The following HOOK3 variants were observed in gnomAD, a reference collection of about 807,000 sequenced individuals.
HOOK3 encodes protein Hook homolog 3.
HOOK3 carries 24 observed loss-of-function variants against 116.3 expected under a neutral mutation model. That is an observed-to-expected ratio of 0.21 (90% confidence interval 0.15 to 0.29). HOOK3 has a LOEUF of 0.29. Among genes scored for constraint, HOOK3 ranks in the 10% least tolerant of loss-of-function variants. The pLI, the probability that HOOK3 is intolerant of heterozygous loss-of-function variation, is 1.00. For missense variants in HOOK3, 632 were observed against 830.2 expected (o/e 0.76, Z 2.93); for synonymous variants, 275 against 283.0 (o/e 0.97, Z 0.28).
At chr8:42,987,979 C>G (rs1809079722) in intron 15 of HOOK3, among the ~76,000 whole-genome samples, 1 of 152,086 alleles carries the variant, frequency 6.6e-6, no homozygotes, top group African/African-American at 2.4e-5. Context: ...TTTGGCTTCT[C>G]CCAGTTGGAG....
chr8:42,897,093 T>A lies in HOOK3; in HGVS notation c.-39T>A. ...CCCCCGACAGAGCGGCGGCGGTGTC[T>A]GGCCAGGCGGTAGGCGCTGCCTGGC... is the stretch of plus-strand genomic sequence containing the variant. On this transcript the variant is annotated 5_prime_UTR_variant, in exon 1 of 22. Transcript: ENST00000307602. 1 of 1,235,856 alleles carries A rather than the reference T, an allele frequency of 8.1e-7. No homozygotes were observed. The allele number at this position is 1,235,856 out of a possible 1,614,324, so 76.6% of individuals were successfully genotyped here.
chr8:43,013,745 G>A (rs773604724), intron 21 of HOOK3, among the ~76,000 whole-genome samples: 1 of 152,178 alleles, frequency 6.6e-6, no homozygotes, highest in Non-Finnish European at 1.5e-5. Context: ...CAGTGTCTTT[G>A]CAGGATGGTA....
At chr8:42,927,343 G>A (rs1586594823) in intron 3 of HOOK3, among the ~76,000 whole-genome samples, 4 of 136,174 alleles carry the variant, frequency 2.9e-5, no homozygotes, top group East Asian at 5.0e-4. Context: ...TGCAACCTCC[G>A]CCTCCCGAGT....
At chr8:42,966,354 C>T (rs1310052544) in intron 9 of HOOK3, 119 bp from the exon 10 acceptor site, 2 of 1,007,624 alleles carry the variant, frequency 2.0e-6, no homozygotes, top group Non-Finnish European at 2.9e-6. Context: ...TGGCCACTAA[C>T]ATGGGAGACA....
intron 8 of HOOK3, among the ~76,000 whole-genome samples, chr8:42,961,617 T>C (rs1808535699): frequency 6.6e-6 from 1 of 152,186 alleles, no homozygotes; most frequent in South Asian, 2.1e-4. Context: ...CTAAGGTTGA[T>C]AAGTCAAGAA....
chr8:42,915,091 C>G (rs1408577852), intron 2 of HOOK3, among the ~76,000 whole-genome samples: 1 of 152,178 alleles, frequency 6.6e-6, no homozygotes, highest in Non-Finnish European at 1.5e-5. Flanking sequence ...GGAGTTTTGC[C>G]TCCTGGTGGC....
intron 9 of HOOK3, among the ~76,000 whole-genome samples, chr8:42,964,821 T>C (rs1022688639): frequency 8.0e-5 from 12 of 150,600 alleles, no homozygotes; most frequent in Admixed American, 4.6e-4. Flanking sequence ...AACGCGACTT[T>C]GTCTCAAAAA....
intron 16 of HOOK3, chr8:42,998,293 T>C (rs1809318765): frequency 6.6e-6 from 1 of 152,490 alleles, no homozygotes; most frequent in African/African-American, 2.4e-5. Context: ...GCAAATCCTT[T>C]ATGTTTAATG....
intron 4 of HOOK3, among the ~76,000 whole-genome samples, chr8:42,940,519 C>CAGGGAG (rs1204722649): frequency 3.5e-5 from 5 of 144,056 alleles, no homozygotes; most frequent in Admixed American, 3.3e-4. Flanking sequence ...GGGACAGGGA[C>CAGGGAG]AGGGAGAGGG....
chr8:42,973,261 T>C, intron 11 of HOOK3, 28 bp from the exon 12 acceptor site: 1 of 1,583,744 alleles, frequency 6.3e-7, no homozygotes, highest in South Asian at 1.2e-5. Flanking sequence ...TCAGATTATG[T>C]ATAAGTAATG....
At position 43,029,379 on chromosome 8, in the gene HOOK3, A is replaced by T. The variant is rs1368859964; in HGVS notation, c.*10881A>T. 5.9e-6 allele frequency: 1 copy of T among 169,010 alleles called. No homozygotes were observed. Among genetic ancestry groups the T allele is most frequent in the Non-Finnish European group, 1.3e-5 (1 of 77,682 alleles). The allele number at this position is 169,010 out of a possible 1,614,324, so 10.5% of individuals were successfully genotyped here. The stretch of plus-strand genomic sequence containing the variant: ...TGGCCAGGATGATCTCGATCTCTTG[A>T]TCTCGTGATCTGCCCGCATTGGCCT... On this transcript the variant is annotated 3_prime_UTR_variant, in exon 22 of 22. Transcript: ENST00000307602.
intron 6 of HOOK3, among the ~76,000 whole-genome samples, chr8:42,955,721 G>A (rs1296328915): frequency 6.7e-6 from 1 of 149,256 alleles, no homozygotes; most frequent in Non-Finnish European, 1.5e-5. Flanking sequence ...GAGGGGTGGG[G>A]CCTAGAAGTC....
chr8:42,994,621 T>A (rs543317358), intron 15 of HOOK3: 24 of 163,892 alleles, frequency 1.5e-4, no homozygotes, highest in African/African-American at 5.0e-4. Context: ...TTTGTAAAAT[T>A]TCTTTTGTTA....
intron 4 of HOOK3, among the ~76,000 whole-genome samples, chr8:42,931,571 A>G (rs974734028): frequency 2.0e-5 from 3 of 150,472 alleles, no homozygotes; most frequent in Non-Finnish European, 4.4e-5. Context: ...AGCTGGGACT[A>G]CAGGTGCCTG....
In HOOK3 at chr8:43,027,412, A is replaced by ATTTGT. The variant is rs33977603; in HGVS notation, c.*8916_*8920dup. Reference sequence around the variant, plus strand: ...GATTTGCTTATGAGAACATTCTGTCATTTGTTCTGTTTGTAGATGAGAGAC... The same window carrying ATTTGT: ...GATTTGCTTATGAGAACATTCTGTCATTTGTTTTGTTCTGTTTGTAGATGAGAGAC... On this transcript the variant is annotated 3_prime_UTR_variant, in exon 22 of 22. Transcript: ENST00000307602. The ATTTGT allele has an allele frequency of 1, 467,532 of 469,700 alleles. 232,725 individuals are homozygous for ATTTGT. Among genetic ancestry groups the ATTTGT allele is most frequent in the East Asian group, 1 (20,412 of 20,412 alleles). 29.1% of individuals were successfully genotyped at this position (469,700 alleles called of 1,614,324 possible).
At chr8:42,936,571 C>T (rs1159015893) in intron 4 of HOOK3, among the ~76,000 whole-genome samples, 2 of 152,088 alleles carry the variant, frequency 1.3e-5, no homozygotes, top group Non-Finnish European at 2.9e-5. Flanking sequence ...TCCATCAATA[C>T]CTAGTTTATT....
At position 43,026,935 on chromosome 8, in the gene HOOK3, A is replaced by C; in HGVS notation, c.*8437A>C. 5.4e-6 allele frequency: 1 copy of C among 184,298 alleles called. No individual in the cohort carries two copies. Among genetic ancestry groups the C allele is most frequent in the African/African-American group, 2.3e-5 (1 of 42,638 alleles). The allele number at this position is 184,298 out of a possible 1,614,324, so 11.4% of individuals were successfully genotyped here. ...CACTCTGAGTCTCACTCTGTTGCCCAGGCTGGAGTGCAGTGGCACAATCTC... is the reference window on the plus strand; with the variant it reads ...CACTCTGAGTCTCACTCTGTTGCCCCGGCTGGAGTGCAGTGGCACAATCTC... On this transcript the variant is annotated 3_prime_UTR_variant, in exon 22 of 22. Coordinates refer to ENST00000307602, the MANE Select transcript of HOOK3 (RefSeq NM_032410.4).
rs1308164368 is a variant in HOOK3, at chr8:43,018,461, C to T, written c.2120C>T (p.Ser707Leu). ...RQRQATSSRR[S>L]YPGHVQPATA... ...AGGCAAGCGACCAGCAGCAGAAGATCATACCCAGGCCACGTGCAGCCGGCC... is the reference window on the plus strand; with the variant it reads ...AGGCAAGCGACCAGCAGCAGAAGATTATACCCAGGCCACGTGCAGCCGGCC... The change falls in exon 22 of 22, where the codon TCA (serine) becomes TTA (leucine). Residue 707 changes from serine to leucine, a missense_variant. Physicochemically the swap from Ser to Leu is moderately radical, Grantham distance 145. Coordinates refer to ENST00000307602, the MANE Select transcript of HOOK3 (RefSeq NM_032410.4). 2 of 1,613,518 alleles carry T rather than the reference C, an allele frequency of 1.2e-6. No homozygotes were observed. The highest frequency in any genetic ancestry group is 4.5e-5 in the East Asian group (2 of 44,894).
intron 4 of HOOK3, among the ~76,000 whole-genome samples, chr8:42,942,305 C>T (rs1808142907): frequency 1.3e-5 from 2 of 152,136 alleles, no homozygotes; most frequent in South Asian, 4.2e-4. Flanking sequence ...TCCAAAACCC[C>T]TATTACTTTT....
Sources: gnomAD v4.1 joint callset for allele counts (sites outside exome capture counted in the v4.1 genomes callset) on GRCh38, gnomAD v4.1.1 for gene constraint, MANE v1.5 for transcripts, NCBI Gene and HGNC (gene_info 2026-07-23, HGNC 2026-07-21) for gene names.